Variants in DNAJC5B observed in about 807,000 individuals in gnomAD.
The protein encoded by DNAJC5B is dnaJ homolog subfamily C member 5B.
In DNAJC5B, 23 loss-of-function variants were observed where a neutral mutation model predicts 24.7. That is an observed-to-expected ratio of 0.93 (90% CI 0.67 to 1.32). The LOEUF (loss-of-function observed/expected upper bound fraction) is 1.32. Ranked by LOEUF, DNAJC5B falls within the 40% of genes most tolerant of loss-of-function variation. The probability of loss-of-function intolerance (pLI) is 0.00; values close to 1 mark genes in which losing one functional copy is unlikely to be tolerated. For synonymous variants in DNAJC5B, 101 were observed against 90.1 expected (o/e 1.12, Z -0.68); for missense variants, 238 against 240.8 (o/e 0.99, Z 0.08).
chr8:66,071,387 A>T (rs1401251600), intron 3 of DNAJC5B, among the ~76,000 whole-genome samples: 2 of 152,218 alleles, frequency 1.3e-5, no homozygotes, highest in Admixed American at 6.5e-5. Context: ...AAAAGTGGGC[A>T]AAGGTTATGA....
intron 5 of DNAJC5B, among the ~76,000 whole-genome samples, chr8:66,098,851 T>C (rs1212550001): frequency 1.3e-5 from 2 of 152,136 alleles, no homozygotes; most frequent in Non-Finnish European, 2.9e-5. Flanking sequence ...TAATTACTTT[T>C]AAAACATAAT....
chr8:66,093,538 T>A (rs1807890260), intron 5 of DNAJC5B, among the ~76,000 whole-genome samples: 1 of 152,212 alleles, frequency 6.6e-6, no homozygotes, highest in South Asian at 2.1e-4. Context: ...TCCCCTTCTA[T>A]GAAATGCCCT....
intron 3 of DNAJC5B, chr8:66,057,347 T>C (rs1806987666): frequency 6.6e-6 from 1 of 152,152 alleles, no homozygotes; most frequent in South Asian, 2.1e-4. Context: ...TGACAGAGAA[T>C]AGAAATTGAG....
chr8:66,065,118 G>T (rs1807162718), intron 3 of DNAJC5B, among the ~76,000 whole-genome samples: 1 of 152,224 alleles, frequency 6.6e-6, no homozygotes, highest in Non-Finnish European at 1.5e-5. Flanking sequence ...TACCACTAGA[G>T]GTCAGCACTT....
intron 3 of DNAJC5B, among the ~76,000 whole-genome samples, chr8:66,061,973 C>T (rs900377091): frequency 3.3e-5 from 5 of 151,808 alleles, no homozygotes; most frequent in African/African-American, 1.2e-4. Flanking sequence ...GCAGCCGAGC[C>T]CCTTCCTGAG....
intron 5 of DNAJC5B, among the ~76,000 whole-genome samples, chr8:66,098,626 T>C (rs1808006260): frequency 6.6e-6 from 1 of 152,144 alleles, no homozygotes; most frequent in East Asian, 1.9e-4. Context: ...ATGTTAGATA[T>C]GTTAGACCTT....
chr8:66,069,802 A>C (rs1475673756), intron 3 of DNAJC5B, among the ~76,000 whole-genome samples: 1 of 152,254 alleles, frequency 6.6e-6, no homozygotes, highest in Non-Finnish European at 1.5e-5. Context: ...TGGATGCAAA[A>C]ATCCTCAATA....
chr8:66,083,424 CATT>C (rs1210540005), intron 5 of DNAJC5B, among the ~76,000 whole-genome samples: 1 of 152,126 alleles, frequency 6.6e-6, no homozygotes, highest in African/African-American at 2.4e-5. Context: ...CTTTACAACT[CATT>C]ATTGATAATG....
At chr8:66,091,827 G>A (rs558407596) in intron 5 of DNAJC5B, among the ~76,000 whole-genome samples, 62 of 152,222 alleles carry the variant, frequency 4.1e-4, no homozygotes, top group African/African-American at 1.3e-3. Flanking sequence ...TTATTCAGCC[G>A]TAAAAAGGAA....
At chr8:66,040,499 T>A (rs1350194661) in intron 1 of DNAJC5B, among the ~76,000 whole-genome samples, 2 of 152,242 alleles carry the variant, frequency 1.3e-5, no homozygotes, top group African/African-American at 4.8e-5. Context: ...GATGCCATTA[T>A]CTTCAGTAAA....
At chr8:66,038,017 G>A (rs966770015) in intron 1 of DNAJC5B, among the ~76,000 whole-genome samples, 1 of 152,228 alleles carries the variant, frequency 6.6e-6, no homozygotes, top group Non-Finnish European at 1.5e-5. Context: ...ACCAGTGACC[G>A]CTGCAGGGTC....
At chr8:66,038,138 T>C (rs907905501) in intron 1 of DNAJC5B, among the ~76,000 whole-genome samples, 1 of 152,238 alleles carries the variant, frequency 6.6e-6, no homozygotes, top group Non-Finnish European at 1.5e-5. Context: ...TCATTTGGAT[T>C]CCAGTTCCAG....
intron 3 of DNAJC5B, among the ~76,000 whole-genome samples, chr8:66,069,440 G>T (rs1779394662): frequency 6.6e-6 from 1 of 151,954 alleles, no homozygotes; most frequent in South Asian, 2.1e-4. Flanking sequence ...AAGACAGAAA[G>T]CATTACTACA....
chr8:66,036,670 T>C (rs1032639775), intron 1 of DNAJC5B, among the ~76,000 whole-genome samples: 13 of 152,238 alleles, frequency 8.5e-5, no homozygotes, highest in African/African-American at 2.9e-4. Flanking sequence ...TCTTTCTTTA[T>C]GAACACCAGA....
intron 1 of DNAJC5B, among the ~76,000 whole-genome samples, chr8:66,042,027 A>G (rs1005619689): frequency 6.6e-6 from 1 of 152,144 alleles, no homozygotes; most frequent in Non-Finnish European, 1.5e-5. Flanking sequence ...TGTTCAGGGA[A>G]GCTTTCTCTA....
chr8:66,096,721 GT>G (rs908654647), intron 5 of DNAJC5B, among the ~76,000 whole-genome samples: 1 of 151,946 alleles, frequency 6.6e-6, no homozygotes, highest in African/African-American at 2.4e-5. Context: ...TGGTAAATAT[GT>G]TTTCATCATT....
intron 5 of DNAJC5B, among the ~76,000 whole-genome samples, chr8:66,088,313 G>A (rs1487080724): frequency 6.6e-6 from 1 of 152,206 alleles, no homozygotes; most frequent in Non-Finnish European, 1.5e-5. Context: ...GTGGGGCCCT[G>A]GCCCTGGCCC....
chr8:66,034,888 TTGAAATTGGATA>T (rs1806448227), intron 1 of DNAJC5B, among the ~76,000 whole-genome samples: 1 of 152,176 alleles, frequency 6.6e-6, no homozygotes, highest in South Asian at 2.1e-4. Flanking sequence ...ATGCTCAGAT[TTGAAATTGGATA>T]TGAATTACAT....
chr8:66,065,522 G>A (rs967569001), intron 3 of DNAJC5B, among the ~76,000 whole-genome samples: 1 of 152,192 alleles, frequency 6.6e-6, no homozygotes, highest in Non-Finnish European at 1.5e-5. Flanking sequence ...GACTAATCCT[G>A]GCCCAGTGGC....
Sources: gnomAD v4.1 joint callset for allele counts (sites outside exome capture counted in the v4.1 genomes callset) on GRCh38, gnomAD v4.1.1 for gene constraint, MANE v1.5 for transcripts, NCBI Gene and HGNC (gene_info 2026-07-23, HGNC 2026-07-21) for gene names.